The following CMKLR2 variants were observed in gnomAD, a reference collection of about 807,000 sequenced individuals.
CMKLR2 encodes the protein chemerin-like receptor 2.
A neutral mutation model predicts 23.0 loss-of-function variants in CMKLR2; 18 were observed. The observed-to-expected ratio is 0.78, with a 90% confidence interval of 0.54 to 1.16. The LOEUF (loss-of-function observed/expected upper bound fraction) is 1.16, where lower values mean the gene tolerates loss of function less well. Among genes scored for constraint, CMKLR2 ranks in the 50% most tolerant of loss-of-function variants. The pLI is 0.00. For synonymous variants in CMKLR2, 158 were observed against 158.9 expected (o/e 0.99, Z 0.05); for missense variants, 401 against 412.7 (o/e 0.97, Z 0.25).
At chr2:206,204,508 C>G (rs184724263) in intron 1 of CMKLR2, among the ~76,000 whole-genome samples, 1 of 152,016 alleles carries the variant, frequency 6.6e-6, no homozygotes, top group Non-Finnish European at 1.5e-5. Flanking sequence ...ATCAATGGCT[C>G]TAATCAGAGA....
At chr2:206,183,306 C>A (rs932007749) in intron 1 of CMKLR2, among the ~76,000 whole-genome samples, 2 of 152,176 alleles carry the variant, frequency 1.3e-5, no homozygotes, top group Non-Finnish European at 2.9e-5. Flanking sequence ...TAGCTTCTAA[C>A]CACTATCCTC....
intron 1 of CMKLR2, chr2:206,203,497 T>C (rs893025141): frequency 1.1e-4 from 17 of 152,108 alleles, no homozygotes; most frequent in African/African-American, 4.1e-4. Flanking sequence ...CAATCATGAC[T>C]AAGTAATGAG....
chr2:206,202,886 G>A (rs956604690), intron 1 of CMKLR2, among the ~76,000 whole-genome samples: 8 of 151,950 alleles, frequency 5.3e-5, no homozygotes, highest in African/African-American at 9.7e-5. Context: ...ACTCCAGCGC[G>A]TTTCCTTTCC....
intron 1 of CMKLR2, among the ~76,000 whole-genome samples, chr2:206,187,572 A>G (rs1688620923): frequency 6.6e-6 from 1 of 152,236 alleles, no homozygotes; most frequent in Admixed American, 6.5e-5. Flanking sequence ...ATGTTTCTTT[A>G]AATTATTAAA....
intron 1 of CMKLR2, among the ~76,000 whole-genome samples, chr2:206,189,028 A>G (rs1384066436): frequency 2.0e-5 from 3 of 152,222 alleles, no homozygotes; most frequent in Non-Finnish European, 2.9e-5. Flanking sequence ...TGGACAAAAC[A>G]CAAAGATTCC....
At chr2:206,186,788 CTTTTT>C (rs532845990) in intron 1 of CMKLR2, among the ~76,000 whole-genome samples, 2 of 129,430 alleles carry the variant, frequency 1.5e-5, no homozygotes, top group African/African-American at 2.8e-5. Context: ...ACTCTGCTGC[CTTTTT>C]TTTTTTTTTT....
At chr2:206,190,698 G>A (rs971170018) in intron 1 of CMKLR2, among the ~76,000 whole-genome samples, 1 of 152,148 alleles carries the variant, frequency 6.6e-6, no homozygotes, top group Non-Finnish European at 1.5e-5. Context: ...AGTTTTAAAG[G>A]CAGCGAGATT....
intron 1 of CMKLR2, among the ~76,000 whole-genome samples, chr2:206,209,603 TTACTTA>T (rs549433088): frequency 1.3e-4 from 20 of 151,736 alleles, no homozygotes; most frequent in Non-Finnish European, 2.2e-4. Flanking sequence ...CATTCAGTTC[TTACTTA>T]TAAGTGAGAA....
rs1287621908 is a variant in CMKLR2, at chr2:206,176,023, T to C, written c.*157A>G. ...GAGTCAAGAGGATCCTTCCTAAGTT[T>C]CATATCCACACAAAAATGTGATGCC... is the stretch of plus-strand genomic sequence containing the variant. On this transcript the variant is annotated 3_prime_UTR_variant, in exon 2 of 2. Transcript: ENST00000621141. 2 of 509,218 alleles carry C rather than the reference T, an allele frequency of 3.9e-6. No individual in the cohort carries two copies. Among genetic ancestry groups the C allele is most frequent in the African/African-American group, 3.9e-5 (2 of 51,566 alleles). 31.5% of individuals were successfully genotyped at this position (509,218 alleles called of 1,614,324 possible).
At chr2:206,217,411 C>T (rs1263851330), upstream of CMKLR2, 1 of 152,130 alleles carries the variant, frequency 6.6e-6, no homozygotes, top group African/African-American at 2.4e-5. Context: ...CCATGGCAAC[C>T]CAGCCATACA....
Position 206,176,292 on chromosome 2 carries a change from A to C in CMKLR2, c.956T>G (p.Val319Gly), listed in dbSNP as rs773594709. The C allele has an allele frequency of 1.9e-6, 3 of 1,614,164 alleles. No homozygotes were observed. The highest frequency in any genetic ancestry group is 1.7e-6 in the Non-Finnish European group (2 of 1,180,030). The part of the protein sequence containing the change: ...KKFQARFRSS[V>G]AEILKYTLWE... ...CAGTGTGTACTTGAGTATCTCAGCA[A>C]CTGAGGACCGGAAGCGAGCTTGGAA... Residue 319 changes from valine (V) to glycine (G), a missense_variant, in exon 2 of 2, where the codon GTT becomes GGT. Val to Gly is a moderately radical substitution (Grantham distance 109). Transcript: ENST00000621141.
intron 1 of CMKLR2, among the ~76,000 whole-genome samples, chr2:206,194,472 T>C (rs1226985633): frequency 1.3e-5 from 2 of 150,944 alleles, no homozygotes; most frequent in Admixed American, 6.6e-5. Flanking sequence ...TTTTTTTTTT[T>C]TTTGGTGACA....
upstream of CMKLR2, among the ~76,000 whole-genome samples, chr2:206,214,149 T>C (rs1206100941): frequency 1.4e-5 from 2 of 141,758 alleles, no homozygotes; most frequent in Non-Finnish European, 3.0e-5. Context: ...CCACCACGCC[T>C]GGCCTTAAAG....
intron 1 of CMKLR2, among the ~76,000 whole-genome samples, chr2:206,199,606 T>TC (rs1398444000): frequency 1.3e-5 from 2 of 148,470 alleles, no homozygotes; most frequent in African/African-American, 2.5e-5. Context: ...TTTTTTTTTT[T>TC]CCCCCGAAAT....
chr2:206,196,981 G>A (rs911611160), intron 1 of CMKLR2, among the ~76,000 whole-genome samples: 1 of 151,856 alleles, frequency 6.6e-6, no homozygotes, highest in Admixed American at 6.6e-5. Context: ...TGATCTCGGC[G>A]CACTGCAACC....
Position 206,176,459 on chromosome 2 carries a change from G to C in CMKLR2, c.789C>G (p.His263Gln). The C allele has an allele frequency of 6.2e-7, 1 of 1,614,148 alleles. No homozygotes were observed. Among genetic ancestry groups the C allele is most frequent in the Non-Finnish European group, 8.5e-7 (1 of 1,180,024 alleles). Reference protein sequence around the residue: ...VAFVVCWTPYHLFSIWELTIH... With the variant: ...VAFVVCWTPYQLFSIWELTIH... ...TGGTGAGCTCCCAAATGCTAAACAG[G>C]TGATAAGGAGTCCAGCAAACCACAA... The change falls in exon 2 of 2, where the codon CAC (histidine) becomes CAG (glutamine). Residue 263 changes from histidine to glutamine, a missense_variant. By Grantham distance (24) the His-to-Gln change is conservative. Transcript: ENST00000621141.
At chr2:206,178,080 A>G (rs188869391) in intron 1 of CMKLR2, among the ~76,000 whole-genome samples, 180 of 152,294 alleles carry the variant, frequency 1.2e-3, no homozygotes, top group Non-Finnish European at 1.1e-3. Flanking sequence ...TGGGAAATAT[A>G]GCAAAAACCT....
chr2:206,186,952 C>T (rs545468654), intron 1 of CMKLR2, among the ~76,000 whole-genome samples: 1 of 152,070 alleles, frequency 6.6e-6, no homozygotes, highest in African/African-American at 2.4e-5. Flanking sequence ...CTTTTGGAGG[C>T]TGAGGCGAGG....
upstream of CMKLR2, among the ~76,000 whole-genome samples, chr2:206,214,738 C>T (rs1689694241): frequency 6.6e-6 from 1 of 152,040 alleles, no homozygotes; most frequent in South Asian, 2.1e-4. Context: ...ATTCTCCTGC[C>T]TTAGCCTCCC....
Sources: allele counts gnomAD v4.1 joint callset (sites outside exome capture counted in the v4.1 genomes callset), GRCh38; gene constraint gnomAD v4.1.1; transcripts MANE v1.5; gene names NCBI Gene and HGNC (gene_info 2026-07-23, HGNC 2026-07-21).